DLG2: variants seen among roughly 807,000 people sequenced by gnomAD.
The protein encoded by DLG2 is discs large MAGUK scaffold protein 2, also known as disks large homolog 2.
DLG2 carries 45 observed loss-of-function variants against 132.5 expected under a neutral mutation model. The observed-to-expected ratio is 0.34, with a 90% CI of 0.27 to 0.44. The LOEUF (loss-of-function observed/expected upper bound fraction) is 0.44, where lower values mean the gene tolerates loss of function less well. Ranked by LOEUF, DLG2 falls within the 20% of genes least tolerant of loss-of-function variation. DLG2 has a pLI of 1.00. For synonymous variants in DLG2, 424 were observed against 419.6 expected (o/e 1.01, Z -0.13); for missense variants, 1,045 against 1,196.9 (o/e 0.87, Z 1.87).
In DLG2 at chr11:83,541,784, AT is replaced by A; in HGVS notation, c.2014del (p.Ile672PhefsTer44). 6.2e-7 allele frequency: 1 copy of A among 1,613,392 alleles called. No homozygotes were observed. Among genetic ancestry groups the A allele is most frequent in the Non-Finnish European group, 8.5e-7 (1 of 1,179,542 alleles). On this transcript the variant is annotated frameshift_variant, in exon 20 of 28. Transcript: ENST00000376104. LOFTEE classifies it high-confidence loss of function. Reference sequence around the variant, plus strand: ...ATCAGAGGCATTGATAACGTGGAGAATATCTCCATATTTAAAACTAAGTCCT... The same window carrying A: ...ATCAGAGGCATTGATAACGTGGAGAAATCTCCATATTTAAAACTAAGTCCT... Reference protein sequence around the residue: ...SQGLSFKYGDILHVINASDDE... With the variant: ...SQGLSFKYGDXLHVINASDDE...
At chr11:84,786,281 C>A (rs1362218494) in intron 6 of DLG2, among the ~76,000 whole-genome samples, 2 of 152,048 alleles carry the variant, frequency 1.3e-5, no homozygotes, top group Non-Finnish European at 2.9e-5. Context: ...ATAATAAAAC[C>A]AACTACTCAC....
At chr11:85,259,620 T>G (rs921477432) in intron 4 of DLG2, among the ~76,000 whole-genome samples, 2 of 151,804 alleles carry the variant, frequency 1.3e-5, no homozygotes, top group Non-Finnish European at 2.9e-5. Context: ...CTCAGCTACT[T>G]AGGTCCCAGC....
chr11:85,278,713 T>C (rs1409484536), intron 4 of DLG2, among the ~76,000 whole-genome samples: 1 of 152,134 alleles, frequency 6.6e-6, no homozygotes, highest in East Asian at 1.9e-4. Context: ...TCAACCCAGA[T>C]CTTATACATT....
At chr11:83,523,541 G>T (rs1238955277) in intron 21 of DLG2, among the ~76,000 whole-genome samples, 1 of 152,122 alleles carries the variant, frequency 6.6e-6, no homozygotes, top group Admixed American at 6.6e-5. Context: ...AGGAGCTTGG[G>T]TAATTTATCT....
chr11:85,350,762 G>T (rs1404740984), intron 3 of DLG2, among the ~76,000 whole-genome samples: 2 of 152,090 alleles, frequency 1.3e-5, no homozygotes, highest in South Asian at 2.1e-4. Flanking sequence ...TGTTCCATTG[G>T]TCTATGTCTC....
At chr11:84,740,067 C>T (rs1358179982) in intron 6 of DLG2, among the ~76,000 whole-genome samples, 1 of 151,722 alleles carries the variant, frequency 6.6e-6, no homozygotes, top group African/African-American at 2.4e-5. Context: ...GTTATCACTG[C>T]TATTAGTTTC....
chr11:84,605,122 T>C (rs1593517259), intron 6 of DLG2, among the ~76,000 whole-genome samples: 1 of 151,978 alleles, frequency 6.6e-6, no homozygotes, highest in African/African-American at 2.4e-5. Context: ...ACCATAATTA[T>C]AAGCATTTTG....
At chr11:84,747,367 C>T (rs1272404670) in intron 6 of DLG2, among the ~76,000 whole-genome samples, 1 of 151,940 alleles carries the variant, frequency 6.6e-6, no homozygotes, top group East Asian at 1.9e-4. Flanking sequence ...AATACACTTA[C>T]CATGATGGAA....
In DLG2 at chr11:85,516,259, A is replaced by G. The variant is rs192912391; in HGVS notation, c.40+82398T>C. On this transcript the variant is annotated intron_variant, in intron 3 of 27. Transcript: ENST00000376104. ...TAAAAACTTTTGGAAATGAATAAAA[A>G]GAGACACAATACACCAAAACCTCTG... Among the ~76,000 whole-genome samples the G allele has an allele frequency of 4.4e-3, 670 of 152,214 alleles. 7 individuals are homozygous for G. Among genetic ancestry groups the G allele is most frequent in the Non-Finnish European group, 8.1e-3 (551 of 67,946 alleles).
At chr11:84,662,189 C>CTTTTTTTTT (rs1191006822) in intron 6 of DLG2, among the ~76,000 whole-genome samples, 1 of 120,704 alleles carries the variant, frequency 8.3e-6, no homozygotes, top group Non-Finnish European at 1.7e-5. Flanking sequence ...CTTTGTAAAT[C>CTTTTTTTTT]TTTTTTTTTT....
chr11:84,669,913 A>G (rs1172207949), intron 6 of DLG2, among the ~76,000 whole-genome samples: 1 of 152,172 alleles, frequency 6.6e-6, no homozygotes, highest in Non-Finnish European at 1.5e-5. Flanking sequence ...ACTGACAAAG[A>G]AAGGTAAGAC....
In DLG2 at chr11:83,930,477, C is replaced by T. The variant is rs778341088; in HGVS notation, c.1347G>A (p.Pro449=). The change falls in exon 15 of 28, where the codon CCG becomes CCA. Residue 449 remains proline (P), a synonymous_variant. Coordinates refer to ENST00000376104, the MANE Select transcript of DLG2 (RefSeq NM_001142699.3). ...TGTTCACAGTGCTGTAAACAGGTTC[C>T]GGAGGCCTGGTGATACAAGAGGAAG... The part of the protein sequence containing the change: ...MLVDDDYTRP[P]EPVYSTVNKL... The T allele has an allele frequency of 3.5e-5, 56 of 1,613,418 alleles. 1 individual carries two copies. The highest frequency in any genetic ancestry group is 4.2e-5 in the Non-Finnish European group (50 of 1,179,682).
intron 16 of DLG2, among the ~76,000 whole-genome samples, chr11:83,860,205 A>G (rs1815809226): frequency 6.6e-6 from 1 of 152,168 alleles, no homozygotes; most frequent in South Asian, 2.1e-4. Context: ...CTGTGAGAAG[A>G]GATTGCTATC....
intron 3 of DLG2, among the ~76,000 whole-genome samples, chr11:85,411,520 A>G (rs1274905762): frequency 1.3e-5 from 2 of 151,912 alleles, no homozygotes; most frequent in Non-Finnish European, 2.9e-5. Flanking sequence ...CTTGCAGCAT[A>G]GCAGTTTTGA....
At chr11:84,977,696 A>T (rs1372508936) in intron 6 of DLG2, among the ~76,000 whole-genome samples, 1 of 152,210 alleles carries the variant, frequency 6.6e-6, no homozygotes, top group Non-Finnish European at 1.5e-5. Context: ...TTTATAGATC[A>T]CAATCAGTGA....
chr11:84,382,625 C>T (rs2098752658), intron 7 of DLG2, among the ~76,000 whole-genome samples: 2 of 152,118 alleles, frequency 1.3e-5, no homozygotes, highest in Non-Finnish European at 2.9e-5. Context: ...TTTGTTTTAT[C>T]ATAACCATTT....
chr11:84,714,597 CTTTCTCTTTCTCTTT>C (rs1565749686), intron 6 of DLG2, among the ~76,000 whole-genome samples: 2 of 109,940 alleles, frequency 1.8e-5, no homozygotes, highest in African/African-American at 8.8e-5. Context: ...CTTTCTCTTT[CTTTCTCTTTCTCTTT>C]CTCTTTCTCT....
intron 6 of DLG2, among the ~76,000 whole-genome samples, chr11:84,615,276 T>C (rs576078021): frequency 7.1e-4 from 108 of 152,186 alleles, no homozygotes; most frequent in Middle Eastern, 3.4e-3. Context: ...AAAGTAACAT[T>C]GATCAATACC....
chr11:85,461,294 A>T (rs1257801932), intron 3 of DLG2, among the ~76,000 whole-genome samples: 2 of 152,204 alleles, frequency 1.3e-5, no homozygotes, highest in Non-Finnish European at 2.9e-5. Flanking sequence ...ATGTGTCAGG[A>T]TGCTTGCCAA....
Sources: gnomAD v4.1 joint callset for allele counts (sites outside exome capture counted in the v4.1 genomes callset) on GRCh38, gnomAD v4.1.1 for gene constraint, MANE v1.5 for transcripts, NCBI Gene and HGNC (gene_info 2026-07-23, HGNC 2026-07-21) for gene names.